The following PDZRN3 variants were observed in gnomAD, a reference collection of about 807,000 sequenced individuals.
PDZRN3 encodes PDZ domain containing ring finger 3.
Under a neutral mutation model 85.7 loss-of-function variants are expected in PDZRN3, and 38 were observed. That is an observed-to-expected ratio of 0.44 (90% CI 0.34 to 0.58). The LOEUF is 0.58. Among genes scored for constraint, PDZRN3 ranks in the 20% least tolerant of loss-of-function variants. The pLI, the probability that PDZRN3 is intolerant of heterozygous loss-of-function variation, is 0.01. For missense variants in PDZRN3, 1,629 were observed against 1,506.4 expected (o/e 1.08, Z -1.35); for synonymous variants, 759 against 638.0 (o/e 1.19, Z -2.86).
chr3:73,396,097 C>T (rs1701629889), intron 5 of PDZRN3, among the ~76,000 whole-genome samples: 1 of 152,180 alleles, frequency 6.6e-6, no homozygotes, highest in Non-Finnish European at 1.5e-5. Context: ...GTGGCACATA[C>T]CTGTAATCCC....
intron 3 of PDZRN3, among the ~76,000 whole-genome samples, chr3:73,554,346 GAGAGA>G (rs1368158064): frequency 1.0e-4 from 11 of 110,542 alleles, no homozygotes; most frequent in African/African-American, 4.3e-4. Context: ...CAGGATTGTT[GAGAGA>G]AGACACACAC....
intron 3 of PDZRN3, among the ~76,000 whole-genome samples, chr3:73,568,248 A>G (rs995783615): frequency 6.6e-6 from 1 of 152,198 alleles, no homozygotes; most frequent in East Asian, 1.9e-4. Flanking sequence ...CCAGAGCTAG[A>G]TATGATAATG....
At chr3:73,549,954 C>A (rs1701513065) in intron 3 of PDZRN3, among the ~76,000 whole-genome samples, 1 of 152,170 alleles carries the variant, frequency 6.6e-6, no homozygotes, top group African/African-American at 2.4e-5. Context: ...TAATCCATGT[C>A]CTTTCAGATC....
chr3:73,431,565 T>G (rs1368138954), intron 3 of PDZRN3, among the ~76,000 whole-genome samples: 1 of 152,244 alleles, frequency 6.6e-6, no homozygotes, highest in Non-Finnish European at 1.5e-5. Flanking sequence ...TATTAATTCC[T>G]GCAAGTGTTT....
intron 2 of PDZRN3, among the ~76,000 whole-genome samples, chr3:73,603,884 C>CAT (rs1303709177): frequency 1.4e-5 from 1 of 71,034 alleles, no homozygotes; most frequent in Non-Finnish European, 4.2e-5. Context: ...CACACACACA[C>CAT]ATACACACAC....
At chr3:73,421,523 G>T (rs1487920247) in intron 3 of PDZRN3, among the ~76,000 whole-genome samples, 1 of 152,154 alleles carries the variant, frequency 6.6e-6, no homozygotes, top group Admixed American at 6.5e-5. Flanking sequence ...ACAATCAGGT[G>T]GTTCTAGACT....
chr3:73,389,250 G>A (rs748634652), intron 7 of PDZRN3, among the ~76,000 whole-genome samples: 1 of 152,154 alleles, frequency 6.6e-6, no homozygotes, highest in Admixed American at 6.5e-5. Flanking sequence ...AAAGAGACAT[G>A]AATGGTCTCA....
chr3:73,383,929 G>A lies in PDZRN3; in HGVS notation c.2637C>T (p.His879=). ...KHAHIPAHAQ[H]YQSYMQLIQQ... ...GGATCAGCTGCATGTAGCTCTGGTA[G>A]TGCTGGGCGTGCGCCGGGATGTGCG... Residue 879 remains histidine, a synonymous_variant, in exon 10 of 10, where the codon CAC becomes CAT. Transcript: ENST00000263666. The A allele has an allele frequency of 6.2e-7, 1 of 1,608,438 alleles. No homozygotes were observed. The highest frequency in any genetic ancestry group is 8.5e-7 in the Non-Finnish European group (1 of 1,177,654).
At chr3:73,483,614 T>C (rs560780905) in intron 3 of PDZRN3, among the ~76,000 whole-genome samples, 37 of 152,318 alleles carry the variant, frequency 2.4e-4, no homozygotes, top group Admixed American at 1.8e-3. Flanking sequence ...CATAAATTAA[T>C]TGCATATGCT....
chr3:73,474,865 G>GA, intron 3 of PDZRN3, among the ~76,000 whole-genome samples: 2 of 152,156 alleles, frequency 1.3e-5, no homozygotes, highest in Non-Finnish European at 2.9e-5. Context: ...CTTCAGCCCT[G>GA]GGGTGGCTAA....
At chr3:73,510,267 T>G (rs1236868189) in intron 3 of PDZRN3, among the ~76,000 whole-genome samples, 1 of 152,214 alleles carries the variant, frequency 6.6e-6, no homozygotes, top group Non-Finnish European at 1.5e-5. Context: ...TAAATATAGT[T>G]CATGGGTATG....
intron 3 of PDZRN3, among the ~76,000 whole-genome samples, chr3:73,428,670 G>A (rs1448499107): frequency 6.6e-6 from 1 of 152,104 alleles, no homozygotes; most frequent in East Asian, 1.9e-4. Context: ...TGTGTCTTAA[G>A]AGGAGACAAA....
intron 3 of PDZRN3, among the ~76,000 whole-genome samples, chr3:73,406,707 C>T (rs6765340): frequency 0.7 from 106,611 of 151,878 alleles, 38,358 homozygotes; most frequent in African/African-American, 0.87. Flanking sequence ...TAACAGTATA[C>T]AAATACCAGG....
chr3:73,489,429 G>A (rs200012230), intron 3 of PDZRN3, among the ~76,000 whole-genome samples: 3 of 152,186 alleles, frequency 2.0e-5, no homozygotes, highest in Admixed American at 6.5e-5. Context: ...CTCCAACTCT[G>A]CTGAAGAAAA....
At chr3:73,401,352 G>A (rs1701745415) in intron 4 of PDZRN3, among the ~76,000 whole-genome samples, 3 of 152,116 alleles carry the variant, frequency 2.0e-5, no homozygotes. Flanking sequence ...ATATTTTACT[G>A]CTTATTGCTT....
At chr3:73,547,756 T>C (rs1457571181) in intron 3 of PDZRN3, among the ~76,000 whole-genome samples, 1 of 152,176 alleles carries the variant, frequency 6.6e-6, no homozygotes, top group African/African-American at 2.4e-5. Flanking sequence ...CTGTTTTTGC[T>C]GAAGCTAAGT....
At chr3:73,447,860 T>G (rs1702781875) in intron 3 of PDZRN3, among the ~76,000 whole-genome samples, 1 of 152,188 alleles carries the variant, frequency 6.6e-6, no homozygotes, top group Admixed American at 6.5e-5. Context: ...TTCTTAACTC[T>G]TCCCTGGTCC....
intron 4 of PDZRN3, 37 bp from the exon 5 acceptor site, chr3:73,401,046 C>T (rs374417536): frequency 8.9e-6 from 13 of 1,458,284 alleles, no homozygotes; most frequent in African/African-American, 1.4e-5. Context: ...GCCCTTCTTC[C>T]GTTGTCAGTA....
At chr3:73,401,635 C>T (rs887582296) in intron 4 of PDZRN3, 2 of 152,344 alleles carry the variant, frequency 1.3e-5, no homozygotes, top group African/African-American at 4.8e-5. Context: ...CACACATTCA[C>T]TCTGCTAGGA....
Sources: gnomAD v4.1 joint callset for allele counts (sites outside exome capture counted in the v4.1 genomes callset) on GRCh38, gnomAD v4.1.1 for gene constraint, MANE v1.5 for transcripts, NCBI Gene and HGNC (gene_info 2026-07-23, HGNC 2026-07-21) for gene names.